MAGI3: variants seen among roughly 807,000 people sequenced by gnomAD.
The protein encoded by MAGI3 is membrane associated guanylate kinase, WW and PDZ domain containing 3.
Under a neutral mutation model 121.8 loss-of-function variants are expected in MAGI3, and 43 were observed. The observed-to-expected ratio is 0.35, with a 90% CI of 0.28 to 0.46. MAGI3 has a LOEUF of 0.46. MAGI3 is among the 20% of genes least tolerant of loss of function. The pLI, the probability that MAGI3 is intolerant of heterozygous loss-of-function variation, is 1.00. For synonymous variants in MAGI3, 553 were observed against 639.3 expected, an observed-to-expected ratio of 0.86 and a Z score of 2.04; for missense variants, 1,547 against 1,797.3, an observed-to-expected ratio of 0.86 and a Z score of 2.52.
At chr1:113,415,595 C>G (rs1280839259) in intron 1 of MAGI3, among the ~76,000 whole-genome samples, 1 of 151,914 alleles carries the variant, frequency 6.6e-6, no homozygotes, top group African/African-American at 2.4e-5. Context: ...TTAGTCGTTC[C>G]TGTTTTTTTC....
intron 6 of MAGI3, among the ~76,000 whole-genome samples, chr1:113,600,742 A>C (rs1431231375): frequency 8.5e-5 from 13 of 152,182 alleles, no homozygotes; most frequent in Non-Finnish European, 4.4e-5. Context: ...ATATGGAACC[A>C]AAAAAGAGTC....
At chr1:113,425,682 A>C (rs1361793191) in intron 1 of MAGI3, among the ~76,000 whole-genome samples, 3 of 152,070 alleles carry the variant, frequency 2.0e-5, no homozygotes, top group African/African-American at 7.2e-5. Context: ...AAAATTATTG[A>C]ATTTATGAGT....
intron 6 of MAGI3, among the ~76,000 whole-genome samples, chr1:113,611,700 A>G (rs866258319): frequency 6.6e-6 from 1 of 152,130 alleles, no homozygotes; most frequent in South Asian, 2.1e-4. Context: ...AAATTAAATC[A>G]TGTCACAGTT....
In MAGI3 at chr1:113,619,739, C is replaced by A; in HGVS notation, c.1080C>A (p.His360Gln). The A allele has an allele frequency of 6.2e-7, 1 of 1,609,412 alleles. No individual in the cohort carries two copies. The highest frequency in any genetic ancestry group is 8.5e-7 in the Non-Finnish European group (1 of 1,176,038). The change falls in exon 8 of 21, where the codon CAC becomes CAA. Residue 360 changes from histidine to glutamine, a missense_variant. Physicochemically the swap from His to Gln is conservative, Grantham distance 24. Transcript: ENST00000307546. ...DPQYGTYYVD[H>Q]LNQKTQFENP... is the part of the protein sequence containing the mutation. ...TATATTTTTCTGCATTCTACAGTCA[C>A]CTTAACCAGAAAACCCAGTTTGAAA...
At chr1:113,561,507 A>G (rs1318162621) in intron 2 of MAGI3, among the ~76,000 whole-genome samples, 1 of 152,204 alleles carries the variant, frequency 6.6e-6, no homozygotes, top group Non-Finnish European at 1.5e-5. Flanking sequence ...AGAACTAAAG[A>G]CAAAAACCAC....
chr1:113,632,694 C>T (rs1651709404), intron 9 of MAGI3, among the ~76,000 whole-genome samples: 1 of 152,278 alleles, frequency 6.6e-6, no homozygotes, highest in African/African-American at 2.4e-5. Flanking sequence ...GCATTGTTTG[C>T]TTCTGTTGAA....
intron 1 of MAGI3, chr1:113,404,007 T>C (rs1401539852): frequency 6.6e-6 from 1 of 152,184 alleles, no homozygotes; most frequent in East Asian, 1.9e-4. Context: ...TCTCTTTTCA[T>C]AATGGCCTGT....
Position 113,626,910 on chromosome 1 carries a change from T to C in MAGI3, c.1360+3916T>C, listed in dbSNP as rs994972163. Among the ~76,000 whole-genome samples, 5 of 152,226 alleles carry C rather than the reference T, an allele frequency of 3.3e-5. No homozygotes were observed. In the East Asian group the frequency reaches 7.7e-4, roughly 23 times the overall value. ...AACCAACTTTTTGTTTCTTTGATCT[T>C]TTGTGTTGTTTTCTTCATTTCAAAT... On this transcript the variant is annotated intron_variant, in intron 9 of 20. Transcript: ENST00000307546.
chr1:113,457,677 GGATA>G (rs147870102), intron 1 of MAGI3, among the ~76,000 whole-genome samples: 1 of 151,002 alleles, frequency 6.6e-6, no homozygotes, highest in Non-Finnish European at 1.5e-5. Flanking sequence ...ATTGCAGAGG[GGATA>G]GATAGATAAT....
intron 1 of MAGI3, among the ~76,000 whole-genome samples, chr1:113,520,617 T>G (rs1658131317): frequency 6.6e-6 from 1 of 152,162 alleles, no homozygotes; most frequent in South Asian, 2.1e-4. Flanking sequence ...TTCTTCTTTT[T>G]TTTATGAGAT....
At chr1:113,539,762 G>T (rs965673040) in intron 1 of MAGI3, among the ~76,000 whole-genome samples, 1 of 150,702 alleles carries the variant, frequency 6.6e-6, no homozygotes, top group South Asian at 2.1e-4. Context: ...ATGAGCATTG[G>T]ACTGCATTGT....
At chr1:113,631,839 T>C (rs570083228) in intron 9 of MAGI3, among the ~76,000 whole-genome samples, 13 of 152,334 alleles carry the variant, frequency 8.5e-5, no homozygotes, top group African/African-American at 3.1e-4. Context: ...TATAGTTTCC[T>C]AAAGCCTTTA....
intron 1 of MAGI3, among the ~76,000 whole-genome samples, chr1:113,441,436 A>G (rs1306894124): frequency 6.6e-6 from 1 of 152,094 alleles, no homozygotes; most frequent in Non-Finnish European, 1.5e-5. Context: ...GGGTTCTGGG[A>G]TGAATTTTGC....
chr1:113,650,066 CA>C (rs1025344168), intron 13 of MAGI3, among the ~76,000 whole-genome samples: 18 of 151,540 alleles, frequency 1.2e-4, no homozygotes, highest in African/African-American at 3.9e-4. Flanking sequence ...TATTATATAT[CA>C]AAAAATATGG....
In MAGI3 at chr1:113,407,376, T is replaced by A. The variant is rs115729415; in HGVS notation, c.316+16027T>A. Among the ~76,000 whole-genome samples, 476 of 152,216 alleles carry A rather than the reference T, an allele frequency of 3.1e-3. 3 individuals carry two copies. The highest frequency in any genetic ancestry group is 0.011 in the African/African-American group (450 of 41,542). The stretch of plus-strand genomic sequence containing the variant: ...TTGCAGGTAAGGAAGGGAGAGGACT[T>A]CAAGAGAACCTCTAGGTTTTTGCTT... On this transcript the variant is annotated intron_variant, in intron 1 of 20. Transcript: ENST00000307546.
chr1:113,681,382 AGGGG>A (rs1200834677), intron 20 of MAGI3, 46 bp downstream of exon 20: 1 of 1,575,766 alleles, frequency 6.3e-7, no homozygotes, highest in South Asian at 1.2e-5. Flanking sequence ...TATATTAGGG[AGGGG>A]ACAGAAGAAA....
chr1:113,470,170 CTT>C (rs11364764), intron 1 of MAGI3, among the ~76,000 whole-genome samples: 1 of 147,712 alleles, frequency 6.8e-6, no homozygotes, highest in African/African-American at 2.5e-5. Flanking sequence ...AGAAAATAGT[CTT>C]TTTTTTTTTC....
At chr1:113,508,340 T>C (rs1451371201) in intron 1 of MAGI3, among the ~76,000 whole-genome samples, 1 of 152,166 alleles carries the variant, frequency 6.6e-6, no homozygotes, top group Non-Finnish European at 1.5e-5. Context: ...ACCTCTCTTT[T>C]CAAGTTTCCG....
intron 1 of MAGI3, among the ~76,000 whole-genome samples, chr1:113,507,869 CCAGTGGAAAGAGAGAGGTT>C (rs1657419583): frequency 6.6e-6 from 1 of 152,114 alleles, no homozygotes; most frequent in Admixed American, 6.5e-5. Flanking sequence ...ATTAGACACC[CCAGTGGAAAGAGAGAGGTT>C]CTATCTTCCA....
Sources: gnomAD v4.1 joint callset for allele counts (sites outside exome capture counted in the v4.1 genomes callset) on GRCh38, gnomAD v4.1.1 for gene constraint, MANE v1.5 for transcripts, NCBI Gene and HGNC (gene_info 2026-07-23, HGNC 2026-07-21) for gene names.